The following ATP10D variants were observed in gnomAD, a reference collection of about 807,000 sequenced individuals.
The protein encoded by ATP10D is ATPase phospholipid transporting 10D (putative).
ATP10D carries 89 observed loss-of-function variants against 144.8 expected under a neutral mutation model. The observed-to-expected ratio is 0.61, with a 90% CI of 0.52 to 0.73. The LOEUF is 0.73. ATP10D is among the 30% of genes least tolerant of loss of function. The pLI is 0.00. For missense variants in ATP10D, 1,603 were observed against 1,714.8 expected (o/e 0.93, Z 1.15); for synonymous variants, 571 against 615.1 (o/e 0.93, Z 1.06).
chr4:47,581,920 G>A (rs368203139), intron 20 of ATP10D, 40 bp from the exon 21 acceptor site: 3 of 1,532,764 alleles, frequency 2.0e-6, no homozygotes, highest in South Asian at 1.1e-5. Context: ...ACACCAAGTT[G>A]CACAACTCTC....
intron 10 of ATP10D, among the ~76,000 whole-genome samples, chr4:47,548,425 C>A (rs1306418269): frequency 6.6e-6 from 1 of 152,120 alleles, no homozygotes; most frequent in Non-Finnish European, 1.5e-5. Context: ...TTTACACCGT[C>A]CCTCCGTCCC....
chr4:47,515,706 T>A, intron 3 of ATP10D, 36 bp downstream of exon 3: 1 of 1,472,360 alleles, frequency 6.8e-7, no homozygotes, highest in Non-Finnish European at 9.4e-7. Context: ...GGACTATGTA[T>A]GTATCATTGA....
intron 1 of ATP10D, among the ~76,000 whole-genome samples, 167 bp downstream of exon 1, chr4:47,485,686 TA>T (rs562551526): frequency 0.022 from 3,124 of 142,564 alleles, 53 homozygotes; most frequent in South Asian, 0.069. Context: ...GTTACTGAAC[TA>T]AAAAAAAAAA....
At chr4:47,488,360 C>G (rs1424806108) in intron 1 of ATP10D, among the ~76,000 whole-genome samples, 1 of 151,538 alleles carries the variant, frequency 6.6e-6, no homozygotes, top group Non-Finnish European at 1.5e-5. Context: ...AAGACAATGT[C>G]CTAAATTAAT....
Position 47,523,172 on chromosome 4 carries a change from A to T in ATP10D, c.646A>T (p.Ser216Cys), listed in dbSNP as rs1236195378. Residue 216 changes from serine (S) to cysteine (C), a missense_variant, in exon 4 of 23, where the codon AGC becomes TGC. Transcript: ENST00000273859. Reference protein sequence around the residue: ...HIETSGLDGESNLKQRQVVRG... With the variant: ...HIETSGLDGECNLKQRQVVRG... ...TGAGACTTCTGGTCTTGATGGAGAG[A>T]GCAATTTAAAACAGAGGCAGGTGGT... is the stretch of plus-strand genomic sequence containing the variant. The T allele has an allele frequency of 6.2e-7, 1 of 1,614,124 alleles. No individual in the cohort carries two copies. Among genetic ancestry groups the T allele is most frequent in the Non-Finnish European group, 8.5e-7 (1 of 1,180,014 alleles).
intron 11 of ATP10D, 71 bp from the exon 12 acceptor site, chr4:47,557,593 C>A: frequency 7.1e-7 from 1 of 1,409,600 alleles, no homozygotes. Flanking sequence ...TAATTTATTT[C>A]CAGTTTGCCT....
intron 1 of ATP10D, among the ~76,000 whole-genome samples, chr4:47,494,231 G>A (rs4533744): frequency 0.98 from 149,681 of 152,202 alleles, 73,653 homozygotes; most frequent in East Asian, 1. Flanking sequence ...TTTTCCCCCC[G>A]GTTCTTTGAT....
At chr4:47,511,946 C>T (rs1218396323) in intron 1 of ATP10D, among the ~76,000 whole-genome samples, 2 of 152,202 alleles carry the variant, frequency 1.3e-5, no homozygotes, top group African/African-American at 2.4e-5. Context: ...ACTAGTGTTA[C>T]ATTAGCTGAA....
chr4:47,582,137 A>G (rs1720551461), intron 21 of ATP10D, 73 bp downstream of exon 21: 1 of 1,214,050 alleles, frequency 8.2e-7, no homozygotes, highest in African/African-American at 1.5e-5. Flanking sequence ...ATTAGCAGTG[A>G]CCCTGAAGAT....
At chr4:47,519,485 G>A (rs958874077) in intron 3 of ATP10D, among the ~76,000 whole-genome samples, 1 of 152,216 alleles carries the variant, frequency 6.6e-6, no homozygotes, top group African/African-American at 2.4e-5. Context: ...AAAGAAGAAA[G>A]TCCTCTTACT....
At chr4:47,500,755 T>C (rs898377483) in intron 1 of ATP10D, among the ~76,000 whole-genome samples, 1 of 152,138 alleles carries the variant, frequency 6.6e-6, no homozygotes, top group African/African-American at 2.4e-5. Flanking sequence ...TAGGGGAACT[T>C]GTGGAAGTTC....
intron 22 of ATP10D, among the ~76,000 whole-genome samples, 188 bp from the exon 23 acceptor site, chr4:47,590,854 A>T (rs1370596300): frequency 6.6e-6 from 1 of 152,014 alleles, no homozygotes; most frequent in East Asian, 1.9e-4. Context: ...ATTGCTTTAC[A>T]AATATTAATT....
chr4:47,544,421 G>C (rs1560435800), intron 9 of ATP10D, among the ~76,000 whole-genome samples: 3 of 152,188 alleles, frequency 2.0e-5, no homozygotes, highest in Non-Finnish European at 2.9e-5. Flanking sequence ...AATATTTCAA[G>C]CAAAGGCATA....
At chr4:47,489,429 T>A (rs1256424468) in intron 1 of ATP10D, among the ~76,000 whole-genome samples, 1 of 152,090 alleles carries the variant, frequency 6.6e-6, no homozygotes, top group Non-Finnish European at 1.5e-5. Flanking sequence ...AATTTATTGG[T>A]GGGGAATAAA....
At chr4:47,578,997 C>T (rs1459335427) in intron 19 of ATP10D, among the ~76,000 whole-genome samples, 4 of 152,146 alleles carry the variant, frequency 2.6e-5, no homozygotes, top group Non-Finnish European at 5.9e-5. Flanking sequence ...TGGAAGAAAA[C>T]AAGACTGAGA....
At chr4:47,510,640 G>T (rs1716274509) in intron 1 of ATP10D, among the ~76,000 whole-genome samples, 3 of 152,142 alleles carry the variant, frequency 2.0e-5, no homozygotes, top group African/African-American at 7.2e-5. Flanking sequence ...CTAGCGTGAG[G>T]TTATTAGTCA....
rs776676294 is a variant in ATP10D, at chr4:47,515,620, A to G, written c.435A>G (p.Lys145=). The change falls in exon 3 of 23, where the codon AAA becomes AAG. Residue 145 remains lysine, a synonymous_variant. Coordinates refer to ENST00000273859, the MANE Select transcript of ATP10D (RefSeq NM_020453.4). ...AAGATGGCCTGGAAGATTATCGGAA[A>G]TACAAAATTGACAAACAGATCAATA... is the stretch of plus-strand genomic sequence containing the variant. ...AIKDGLEDYR[K]YKIDKQINNL... is the part of the protein sequence containing the mutation. 1.2e-6 allele frequency: 2 copies of G among 1,612,652 alleles called. No homozygotes were observed. The highest frequency in any genetic ancestry group is 1.7e-6 in the Non-Finnish European group (2 of 1,178,664).
chr4:47,528,507 GTGTGTGTATA>G (rs1375597229), intron 5 of ATP10D, among the ~76,000 whole-genome samples: 706 of 32,502 alleles, frequency 0.022, 4 homozygotes, highest in African/African-American at 0.065. Context: ...GTGTGTGTGT[GTGTGTGTATA>G]TATATATATA....
At chr4:47,546,530 T>A in intron 9 of ATP10D, 94 bp from the exon 10 acceptor site, 1 of 1,111,012 alleles carries the variant, frequency 9.0e-7, no homozygotes, top group Non-Finnish European at 1.4e-6. Context: ...GGGGAGGAGA[T>A]GGTGTGAAAT....
Sources: allele counts gnomAD v4.1 joint callset (sites outside exome capture counted in the v4.1 genomes callset), GRCh38; gene constraint gnomAD v4.1.1; transcripts MANE v1.5; gene names NCBI Gene and HGNC (gene_info 2026-07-23, HGNC 2026-07-21).